The following DLGAP1 variants were observed in gnomAD, a reference collection of about 807,000 sequenced individuals.
DLGAP1 encodes the protein disks large-associated protein 1.
A neutral mutation model predicts 90.8 loss-of-function variants in DLGAP1; 11 were observed. The ratio of observed to expected loss-of-function variants is 0.12; its 90% CI spans 0.08 to 0.20. The LOEUF (loss-of-function observed/expected upper bound fraction) is 0.20, where lower values mean the gene tolerates loss of function less well. Among genes scored for constraint, DLGAP1 ranks in the 10% least tolerant of loss-of-function variants. The pLI is 1.00. For synonymous variants in DLGAP1, 558 were observed against 540.7 expected, an observed-to-expected ratio of 1.03 and a Z score of -0.44; for missense variants, 1,050 against 1,333.8, an observed-to-expected ratio of 0.79 and a Z score of 3.31.
intron 1 of DLGAP1, among the ~76,000 whole-genome samples, chr18:4,387,405 A>G (rs1357856044): frequency 2.0e-5 from 3 of 152,246 alleles, no homozygotes; most frequent in African/African-American, 7.2e-5. Flanking sequence ...CGATGATTTT[A>G]AAATGTTATT....
chr18:4,182,191 T>A (rs746425820), intron 1 of DLGAP1, among the ~76,000 whole-genome samples: 1 of 152,144 alleles, frequency 6.6e-6, no homozygotes, highest in Non-Finnish European at 1.5e-5. Flanking sequence ...TACACCCAAA[T>A]GTGCCTCTTT....
intron 3 of DLGAP1, among the ~76,000 whole-genome samples, chr18:3,969,488 C>T (rs2073399896): frequency 6.6e-6 from 1 of 152,154 alleles, no homozygotes. Context: ...GAAAAGGGTG[C>T]TTGTTCTCGA....
In DLGAP1 at chr18:3,562,730, C is replaced by A. The variant is rs535013998; in HGVS notation, c.2057+4760G>T. 1.3e-4 allele frequency among the ~76,000 whole-genome samples: 19 copies of A among 148,778 alleles called. No individual in the cohort carries two copies. The South Asian group carries it at 3.8e-3, about 30-fold the overall frequency. On this transcript the variant is annotated intron_variant, in intron 9 of 12. Transcript: ENST00000315677. ...TGGTTAATTTTTTTTTTTTTTGAGA[C>A]TAAGTCTCGCTGTGTCTCCGAAAGT...
At chr18:3,826,920 G>C (rs1051257854) in intron 4 of DLGAP1, among the ~76,000 whole-genome samples, 31 of 152,226 alleles carry the variant, frequency 2.0e-4, no homozygotes, top group African/African-American at 7.0e-4. Flanking sequence ...AGGGCCAAGA[G>C]GTTTGCTAAC....
At chr18:4,018,128 C>A (rs1423444628) in intron 2 of DLGAP1, among the ~76,000 whole-genome samples, 1 of 152,152 alleles carries the variant, frequency 6.6e-6, no homozygotes. Flanking sequence ...ACAAGTGATG[C>A]TGTGGTTTAC....
At chr18:3,875,734 T>C (rs889135555) in intron 4 of DLGAP1, among the ~76,000 whole-genome samples, 1 of 152,146 alleles carries the variant, frequency 6.6e-6, no homozygotes, top group Non-Finnish European at 1.5e-5. Flanking sequence ...GGACTTCCAA[T>C]TCTTGAAAAT....
intron 7 of DLGAP1, among the ~76,000 whole-genome samples, chr18:3,704,584 A>T (rs1018600688): frequency 2.0e-4 from 31 of 152,072 alleles, no homozygotes; most frequent in Non-Finnish European, 3.4e-4. Flanking sequence ...CTAAAAAAAA[A>T]AGAAAAAGAA....
chr18:3,825,200 T>A (rs1025211573), intron 4 of DLGAP1, among the ~76,000 whole-genome samples: 2 of 152,358 alleles, frequency 1.3e-5, no homozygotes, highest in Non-Finnish European at 2.9e-5. Flanking sequence ...TACAGGGTTC[T>A]CTTCTTTCAC....
intron 1 of DLGAP1, among the ~76,000 whole-genome samples, chr18:4,285,768 T>C (rs1301352193): frequency 6.6e-6 from 1 of 152,182 alleles, no homozygotes; most frequent in Non-Finnish European, 1.5e-5. Flanking sequence ...CCATGAGTGG[T>C]TGAAACATGG....
intron 3 of DLGAP1, among the ~76,000 whole-genome samples, chr18:3,981,727 T>C (rs1017647505): frequency 6.6e-6 from 1 of 152,186 alleles, no homozygotes; most frequent in South Asian, 2.1e-4. Flanking sequence ...AAAGGACTGA[T>C]TGACTATTTT....
At chr18:4,159,427 G>A (rs1246085021) in intron 1 of DLGAP1, among the ~76,000 whole-genome samples, 2 of 152,138 alleles carry the variant, frequency 1.3e-5, no homozygotes, top group Admixed American at 1.3e-4. Context: ...CATGGACCAA[G>A]CCTTTGAATC....
chr18:4,129,198 C>T (rs1024677484), intron 2 of DLGAP1, among the ~76,000 whole-genome samples: 4 of 152,018 alleles, frequency 2.6e-5, no homozygotes, highest in Non-Finnish European at 5.9e-5. Context: ...TAAAAGAATC[C>T]TTTTGATAAA....
At chr18:4,152,417 G>C (rs2076689849) in intron 1 of DLGAP1, among the ~76,000 whole-genome samples, 1 of 152,170 alleles carries the variant, frequency 6.6e-6, no homozygotes, top group Non-Finnish European at 1.5e-5. Flanking sequence ...TGTCAGAGGA[G>C]GTGATATGGC....
At chr18:4,163,409 C>A (rs2139872) in intron 1 of DLGAP1, among the ~76,000 whole-genome samples, 72,110 of 152,046 alleles carry the variant, frequency 0.47, 18,520 homozygotes, top group East Asian at 0.7. Context: ...GTGCCTTAGA[C>A]GGCCCAGTGA....
intron 7 of DLGAP1, among the ~76,000 whole-genome samples, chr18:3,602,507 A>G (rs1260420364): frequency 6.8e-6 from 1 of 146,596 alleles, no homozygotes; most frequent in Non-Finnish European, 1.5e-5. Flanking sequence ...AGGCAGGAGA[A>G]TGGCGTGAAC....
intron 5 of DLGAP1, among the ~76,000 whole-genome samples, chr18:3,798,421 G>A (rs1219038373): frequency 6.6e-6 from 1 of 152,160 alleles, no homozygotes; most frequent in Non-Finnish European, 1.5e-5. Context: ...TTTAGGGACA[G>A]GGACAGGGAC....
At chr18:3,868,876 C>G (rs3850811) in intron 4 of DLGAP1, among the ~76,000 whole-genome samples, 46,548 of 151,940 alleles carry the variant, frequency 0.31, 7,314 homozygotes, top group South Asian at 0.38. Context: ...CCTGGCTTAG[C>G]GACTTTGGGC....
intron 1 of DLGAP1, among the ~76,000 whole-genome samples, chr18:4,432,627 G>A (rs925231200): frequency 1.2e-4 from 9 of 77,602 alleles, no homozygotes; most frequent in Admixed American, 5.1e-4. Context: ...TGTGTGTGTG[G>A]TGAGAATATT....
Position 4,027,503 on chromosome 18 carries a change from C to CAAAAAAAAA in DLGAP1, c.-158-22311_-158-22303dup, listed in dbSNP as rs59592467. On this transcript the variant is annotated intron_variant, in intron 2 of 12. Coordinates refer to ENST00000315677, the MANE Select transcript of DLGAP1 (RefSeq NM_004746.4). ...TAGGTGACAGAGCAAGACTCCGTCT[C>CAAAAAAAAA]AAAAAAAAAAAAAAAAAAAAAAAAA... Among the ~76,000 whole-genome samples the CAAAAAAAAA allele has an allele frequency of 3.8e-4, 21 of 55,608 alleles. 1 individual carries two copies. Among genetic ancestry groups the CAAAAAAAAA allele is most frequent in the African/African-American group, 4.7e-4 (7 of 14,742 alleles). 36.5% of individuals were successfully genotyped at this position (55,608 alleles called of 152,430 possible).
Sources: gnomAD v4.1 joint callset for allele counts (sites outside exome capture counted in the v4.1 genomes callset) on GRCh38, gnomAD v4.1.1 for gene constraint, MANE v1.5 for transcripts, NCBI Gene and HGNC (gene_info 2026-07-23, HGNC 2026-07-21) for gene names.